PTPRD: variants seen among roughly 807,000 people sequenced by gnomAD.
PTPRD encodes the protein protein tyrosine phosphatase receptor type D.
Under a neutral mutation model 214.5 loss-of-function variants are expected in PTPRD, and 34 were observed. The observed-to-expected ratio is 0.16, with a 90% CI of 0.12 to 0.21. The LOEUF is 0.21. Among genes scored for constraint, PTPRD ranks in the 10% least tolerant of loss-of-function variants. PTPRD has a pLI of 1.00. For synonymous variants in PTPRD, 1,128 were observed against 845.7 expected (o/e 1.33, Z -5.79); for missense variants, 2,545 against 2,398.7 (o/e 1.06, Z -1.27).
chr9:9,575,972 A>G (rs911861089), intron 7 of PTPRD, among the ~76,000 whole-genome samples: 1 of 152,064 alleles, frequency 6.6e-6, no homozygotes, highest in Non-Finnish European at 1.5e-5. Flanking sequence ...TAGTACTTGC[A>G]AACTCTTTAG....
At chr9:8,871,609 A>G (rs1446153802) in intron 11 of PTPRD, among the ~76,000 whole-genome samples, 1 of 152,142 alleles carries the variant, frequency 6.6e-6, no homozygotes, top group African/African-American at 2.4e-5. Context: ...AGTAACTTTG[A>G]TAGCAAAATT....
chr9:10,355,166 GT>G (rs2097253887), intron 2 of PTPRD, among the ~76,000 whole-genome samples: 1 of 151,980 alleles, frequency 6.6e-6, no homozygotes, highest in South Asian at 2.1e-4. Context: ...TTACTTCAAA[GT>G]TTTTTTCATA....
At chr9:10,188,955 T>C (rs968215186) in intron 3 of PTPRD, among the ~76,000 whole-genome samples, 6 of 152,152 alleles carry the variant, frequency 3.9e-5, no homozygotes, top group Non-Finnish European at 7.4e-5. Context: ...GCTGTAACCA[T>C]TTGAAGGCTC....
chr9:10,087,928 C>T (rs551505642), intron 3 of PTPRD, among the ~76,000 whole-genome samples: 1 of 151,798 alleles, frequency 6.6e-6, no homozygotes, highest in South Asian at 2.1e-4. Flanking sequence ...ACTACTAATA[C>T]AGGGTCTAGT....
At chr9:9,494,913 A>G (rs2096098335) in intron 8 of PTPRD, among the ~76,000 whole-genome samples, 1 of 152,232 alleles carries the variant, frequency 6.6e-6, no homozygotes, top group Non-Finnish European at 1.5e-5. Flanking sequence ...ATTTAAAAAC[A>G]TACTGCAAAG....
At chr9:10,488,208 A>T (rs2132535734) in intron 2 of PTPRD, among the ~76,000 whole-genome samples, 2 of 151,982 alleles carry the variant, frequency 1.3e-5, no homozygotes, top group South Asian at 4.2e-4. Context: ...TCTACTAAAA[A>T]TACAAAAAAT....
chr9:8,379,730 T>C lies in PTPRD; in HGVS notation c.4387-3004A>G, dbSNP rs371373107. ...ATAAAGCTGATTGTGAGATGAGAAATGAAGGCAGCTCCCTTTGAGTACATA... is the reference window on the plus strand; with the variant it reads ...ATAAAGCTGATTGTGAGATGAGAAACGAAGGCAGCTCCCTTTGAGTACATA... On this transcript the variant is annotated intron_variant, in intron 37 of 45. Coordinates refer to ENST00000381196, the MANE Select transcript of PTPRD (RefSeq NM_002839.4). 8.3e-4 allele frequency among the ~76,000 whole-genome samples: 126 copies of C among 152,256 alleles called. 4 individuals carry two copies. The South Asian group carries it at 0.015, about 18-fold the overall frequency.
At chr9:9,535,540 A>G (rs1167183037) in intron 8 of PTPRD, among the ~76,000 whole-genome samples, 1 of 152,122 alleles carries the variant, frequency 6.6e-6, no homozygotes, top group Non-Finnish European at 1.5e-5. Context: ...AGCTTTGAAA[A>G]CAATGTACAC....
intron 11 of PTPRD, among the ~76,000 whole-genome samples, chr9:8,824,856 CAAGTA>C (rs1439055087): frequency 2.0e-5 from 3 of 152,244 alleles, no homozygotes; most frequent in Admixed American, 2.0e-4. Context: ...AATTTAATAA[CAAGTA>C]TAGTATAGTT....
At chr9:10,055,345 G>C (rs1012250162) in intron 3 of PTPRD, among the ~76,000 whole-genome samples, 10 of 152,046 alleles carry the variant, frequency 6.6e-5, no homozygotes, top group Non-Finnish European at 1.5e-4. Flanking sequence ...GATAAATATA[G>C]TTACTATCCA....
intron 5 of PTPRD, among the ~76,000 whole-genome samples, chr9:9,791,503 C>G (rs2098967033): frequency 1.3e-5 from 2 of 152,040 alleles, no homozygotes; most frequent in South Asian, 4.1e-4. Context: ...AAAAGAGTCT[C>G]TTTCTTATAA....
At chr9:9,408,951 G>C (rs967599444) in intron 8 of PTPRD, among the ~76,000 whole-genome samples, 1 of 151,744 alleles carries the variant, frequency 6.6e-6, no homozygotes, top group African/African-American at 2.4e-5. Flanking sequence ...GCAATGTATT[G>C]CAAAATATAT....
At chr9:9,952,580 T>C (rs1015848144) in intron 4 of PTPRD, among the ~76,000 whole-genome samples, 6 of 152,146 alleles carry the variant, frequency 3.9e-5, no homozygotes, top group African/African-American at 1.2e-4. Flanking sequence ...AGTACAATGA[T>C]TGAATGGAAG....
chr9:9,805,381 T>A (rs1220302138), intron 5 of PTPRD, among the ~76,000 whole-genome samples: 1 of 152,082 alleles, frequency 6.6e-6, no homozygotes, highest in Non-Finnish European at 1.5e-5. Context: ...AGTGACCGGT[T>A]AGGAAGCAAC....
chr9:8,330,250 A>C (rs1490234830), intron 44 of PTPRD, among the ~76,000 whole-genome samples: 5 of 152,178 alleles, frequency 3.3e-5, no homozygotes. Flanking sequence ...GAAACGCAGA[A>C]ATCCCCTGCC....
intron 7 of PTPRD, among the ~76,000 whole-genome samples, chr9:9,647,312 T>A (rs1014080157): frequency 6.6e-6 from 1 of 152,172 alleles, no homozygotes; most frequent in African/African-American, 2.4e-5. Flanking sequence ...AATTGCAAAA[T>A]CTAAATAATT....
chr9:9,770,588 T>G (rs1332594067), intron 5 of PTPRD, among the ~76,000 whole-genome samples: 3 of 152,152 alleles, frequency 2.0e-5, no homozygotes. Context: ...TCATTCTGCT[T>G]GTTTTCAAAT....
intron 11 of PTPRD, among the ~76,000 whole-genome samples, chr9:8,965,869 G>A (rs1397159154): frequency 6.6e-6 from 1 of 152,050 alleles, no homozygotes; most frequent in Non-Finnish European, 1.5e-5. Flanking sequence ...CTGACAATAT[G>A]ATCCTATAGT....
chr9:8,540,422 G>A (rs1483764030), intron 14 of PTPRD, among the ~76,000 whole-genome samples: 1 of 151,872 alleles, frequency 6.6e-6, no homozygotes, highest in Non-Finnish European at 1.5e-5. Context: ...TAAAATTAAG[G>A]CATAAGTATT....
Sources: gnomAD v4.1 joint callset for allele counts (sites outside exome capture counted in the v4.1 genomes callset) on GRCh38, gnomAD v4.1.1 for gene constraint, MANE v1.5 for transcripts, NCBI Gene and HGNC (gene_info 2026-07-23, HGNC 2026-07-21) for gene names.